ASTN1: variants seen among roughly 807,000 people sequenced by gnomAD.
ASTN1 encodes astrotactin 1.
A neutral mutation model predicts 140.7 loss-of-function variants in ASTN1; 41 were observed. The observed-to-expected ratio is 0.29, with a 90% CI of 0.23 to 0.38. The LOEUF (loss-of-function observed/expected upper bound fraction) is 0.38, where lower values mean the gene tolerates loss of function less well. Ranked by LOEUF, ASTN1 falls within the 10% of genes least tolerant of loss-of-function variation. The pLI is 1.00. For missense variants in ASTN1, 1,479 were observed against 1,678.8 expected (o/e 0.88, Z 2.08); for synonymous variants, 640 against 652.2 (o/e 0.98, Z 0.29).
chr1:176,971,230 A>C (rs1232043417), intron 8 of ASTN1, among the ~76,000 whole-genome samples: 1 of 152,200 alleles, frequency 6.6e-6, no homozygotes, highest in African/African-American at 2.4e-5. Context: ...AATGGCAAAA[A>C]TGAATTTTTC....
intron 1 of ASTN1, among the ~76,000 whole-genome samples, chr1:177,160,168 C>T (rs1236172862): frequency 6.6e-6 from 1 of 152,174 alleles, no homozygotes; most frequent in Non-Finnish European, 1.5e-5. Flanking sequence ...CAGAGAAAGG[C>T]TTAAACATCA....
At position 177,032,715 on chromosome 1, in the gene ASTN1, G is replaced by A. The variant is rs754336743; in HGVS notation, c.606C>T (p.His202=). The A allele has an allele frequency of 1.9e-6, 3 of 1,614,080 alleles. No individual in the cohort carries two copies. Among genetic ancestry groups the A allele is most frequent in the Non-Finnish European group, 1.7e-6 (2 of 1,180,032 alleles). Residue 202 remains histidine (H), a synonymous_variant, in exon 3 of 23, where the codon CAC becomes CAT. Coordinates refer to ENST00000361833, the MANE Select transcript of ASTN1 (RefSeq NM_004319.3). Reference sequence around the variant, plus strand: ...CGCCGATCAGCACAGAAGGAATGTAGTGAATCTCATTGGCTGCCTCAGCAC... The same window carrying A: ...CGCCGATCAGCACAGAAGGAATGTAATGAATCTCATTGGCTGCCTCAGCAC... ...SASAEAANEI[H]YIPSVLIGGH...
At chr1:176,859,784 C>T (rs1045314900), downstream of ASTN1, among the ~76,000 whole-genome samples, 2 of 152,156 alleles carry the variant, frequency 1.3e-5, no homozygotes, top group Non-Finnish European at 2.9e-5. Context: ...AACTCCGTCT[C>T]ACAAACAAGC....
rs768395378 is a variant in ASTN1 at position 176,997,139 on chromosome 1, G to A, written c.1523+17652C>T. Among the ~76,000 whole-genome samples, 14 of 152,196 alleles carry A rather than the reference G, an allele frequency of 9.2e-5. No homozygotes were observed. In the South Asian group the frequency reaches 1.0e-3, roughly 11 times the overall value. ...TTCTTACAGAAATAATCATCTGATT[G>A]CATTGCCACCTGGTATTACCAAGCA... On this transcript the variant is annotated intron_variant, in intron 8 of 22. Transcript: ENST00000361833.
chr1:177,012,925 A>T (rs1675364260), intron 8 of ASTN1, among the ~76,000 whole-genome samples: 2 of 152,132 alleles, frequency 1.3e-5, no homozygotes, highest in African/African-American at 4.8e-5. Context: ...ACACTATTTT[A>T]ATCAGTAAGA....
At chr1:176,934,750 C>A (rs1463227503) in intron 15 of ASTN1, among the ~76,000 whole-genome samples, 1 of 151,950 alleles carries the variant, frequency 6.6e-6, no homozygotes, top group Admixed American at 6.6e-5. Flanking sequence ...CATTTCACAT[C>A]GTGAAGATAA....
chr1:177,018,976 T>C (rs566850755), intron 7 of ASTN1, among the ~76,000 whole-genome samples: 3 of 152,140 alleles, frequency 2.0e-5, no homozygotes, highest in Non-Finnish European at 4.4e-5. Context: ...CAGGGTGCAG[T>C]TGGCAAAGGG....
intron 20 of ASTN1, 91 bp downstream of exon 20, chr1:176,882,768 C>T: frequency 1.3e-6 from 2 of 1,537,372 alleles, no homozygotes; most frequent in South Asian, 2.3e-5. Flanking sequence ...TTTGCTGAGT[C>T]TCTAAAGGAA....
At chr1:176,884,630 CA>C in intron 18 of ASTN1, 140 bp from the exon 19 acceptor site, 1 of 896,044 alleles carries the variant, frequency 1.1e-6, no homozygotes, top group Non-Finnish European at 1.6e-6. Context: ...CTGTCTCTTT[CA>C]AAAGATAGTA....
chr1:177,023,847 A>G (rs1431138997), intron 6 of ASTN1, among the ~76,000 whole-genome samples: 1 of 152,200 alleles, frequency 6.6e-6, no homozygotes, highest in East Asian at 1.9e-4. Flanking sequence ...CCTAAGGAAC[A>G]CAGGGACAGA....
intron 8 of ASTN1, among the ~76,000 whole-genome samples, chr1:176,999,953 T>A (rs1394583858): frequency 6.6e-6 from 1 of 152,150 alleles, no homozygotes; most frequent in Non-Finnish European, 1.5e-5. Context: ...AAATTACCCA[T>A]GCTCAGGTAT....
intron 1 of ASTN1, among the ~76,000 whole-genome samples, chr1:177,149,371 GTATATATAGTAAATATATATAGTA>G (rs1682899100): frequency 3.5e-5 from 2 of 56,614 alleles, no homozygotes; most frequent in African/African-American, 1.3e-4. Flanking sequence ...TATATATATA[GTATATATAGTAAATATATATAGTA>G]TATATATAGT....
At chr1:177,015,688 G>A (rs1273207044) in intron 7 of ASTN1, among the ~76,000 whole-genome samples, 1 of 152,070 alleles carries the variant, frequency 6.6e-6, no homozygotes, top group African/African-American at 2.4e-5. Context: ...CTGTATATGT[G>A]TGTATATGCA....
rs780436213 is a variant in ASTN1 at position 176,957,845 on chromosome 1, T to A, written c.1737-17A>T. The A allele has an allele frequency of 6.2e-7, 1 of 1,611,666 alleles. No homozygotes were observed. Among genetic ancestry groups the A allele is most frequent in the African/African-American group, 1.3e-5 (1 of 74,864 alleles). ...AGCTCCTCTCTGTGGGGAGAAAGAG[T>A]GGGAAGCAGGGAGGAGTCAAGGAGA... On this transcript the variant is annotated splice_polypyrimidine_tract_variant and intron_variant, in intron 10 of 22. Coordinates refer to ENST00000361833, the MANE Select transcript of ASTN1 (RefSeq NM_004319.3).
At position 177,023,566 on chromosome 1, in the gene ASTN1, G is replaced by A. The variant is rs201453556; in HGVS notation, c.1276C>T (p.Arg426Cys). 315 of 1,589,812 alleles carry A rather than the reference G, an allele frequency of 2.0e-4. No individual in the cohort carries two copies. The highest frequency in any genetic ancestry group is 2.4e-4 in the Non-Finnish European group (277 of 1,171,210). ...TGGCTCCCCTCCAGCAAGATGAAGC[G>A]GCTCCCTGCAGGGTGAGAGAAAGGA... ...VPEHLIADGSRFILLEGSQLD... is the reference protein window; with the variant it reads ...VPEHLIADGSCFILLEGSQLD... The change falls in exon 7 of 23, where the codon CGC becomes TGC. Residue 426 changes from arginine (R) to cysteine (C), a missense_variant. Coordinates refer to ENST00000361833, the MANE Select transcript of ASTN1 (RefSeq NM_004319.3).
chr1:176,993,804 A>G (rs1290215410), intron 8 of ASTN1, among the ~76,000 whole-genome samples: 1 of 152,156 alleles, frequency 6.6e-6, no homozygotes, highest in Non-Finnish European at 1.5e-5. Context: ...ATCCCAACTC[A>G]TTCATTCATT....
intron 8 of ASTN1, among the ~76,000 whole-genome samples, chr1:176,992,900 T>C (rs1262453401): frequency 6.6e-6 from 1 of 152,194 alleles, no homozygotes; most frequent in African/African-American, 2.4e-5. Flanking sequence ...CCCATGTGAC[T>C]CTATAGAAGC....
chr1:177,097,240 T>C (rs1486514920), intron 1 of ASTN1, among the ~76,000 whole-genome samples: 4 of 152,196 alleles, frequency 2.6e-5, no homozygotes, highest in African/African-American at 9.6e-5. Context: ...AGGAAGAAGA[T>C]GCTGTGAAAT....
At chr1:177,068,712 G>T (rs1678483528) in intron 1 of ASTN1, among the ~76,000 whole-genome samples, 1 of 152,086 alleles carries the variant, frequency 6.6e-6, no homozygotes, top group African/African-American at 2.4e-5. Context: ...CAAGTCAGAT[G>T]CACGCTGTTT....
Sources: gnomAD v4.1 joint callset for allele counts (sites outside exome capture counted in the v4.1 genomes callset) on GRCh38, gnomAD v4.1.1 for gene constraint, MANE v1.5 for transcripts, NCBI Gene and HGNC (gene_info 2026-07-23, HGNC 2026-07-21) for gene names.